Variants in GRID2 observed in about 807,000 individuals in gnomAD.
GRID2 encodes glutamate ionotropic receptor delta type subunit 2, also known as glutamate receptor ionotropic, delta-2.
GRID2 carries 33 observed loss-of-function variants against 114.8 expected under a neutral mutation model. That is an observed-to-expected ratio of 0.29 (90% confidence interval 0.22 to 0.38). The LOEUF is 0.38. GRID2 is among the 10% of genes least tolerant of loss of function. The pLI, the probability that GRID2 is intolerant of heterozygous loss-of-function variation, is 1.00. For missense variants in GRID2, 1,184 were observed against 1,257.7 expected (o/e 0.94, Z 0.89); for synonymous variants, 505 against 449.9 (o/e 1.12, Z -1.55).
chr4:93,797,232 T>C (rs1442059709), intron 1 of GRID2, among the ~76,000 whole-genome samples: 1 of 152,250 alleles, frequency 6.6e-6, no homozygotes, highest in Non-Finnish European at 1.5e-5. Flanking sequence ...ACTGTAATAG[T>C]GTTAAAATTC....
intron 2 of GRID2, among the ~76,000 whole-genome samples, chr4:92,629,742 A>T (rs1730698665): frequency 6.6e-6 from 1 of 151,040 alleles, no homozygotes. Flanking sequence ...TAGATCACTA[A>T]CATAACTGAA....
At chr4:93,414,581 C>T (rs750072774) in intron 9 of GRID2, among the ~76,000 whole-genome samples, 9 of 151,932 alleles carry the variant, frequency 5.9e-5, no homozygotes, top group Non-Finnish European at 1.2e-4. Context: ...GCTGTTTCTA[C>T]AGAGGTGCTT....
intron 8 of GRID2, among the ~76,000 whole-genome samples, chr4:93,250,901 G>C (rs1019712965): frequency 6.6e-6 from 1 of 151,756 alleles, no homozygotes; most frequent in Non-Finnish European, 1.5e-5. Context: ...GGTTGTGAGT[G>C]GATAGTCTGT....
rs141269074 is a variant in GRID2 at position 92,917,686 on chromosome 4, T to C, written c.245-167309T>C. ...GATATGTGGCATTATTTCTGAGGAC[T>C]CTCTTCTGTACCATTGGTGTTTATC... On this transcript the variant is annotated intron_variant, in intron 2 of 15. Coordinates refer to ENST00000282020, the MANE Select transcript of GRID2 (RefSeq NM_001510.4). Among the ~76,000 whole-genome samples, 1,028 of 152,306 alleles carry C rather than the reference T, an allele frequency of 6.7e-3. 7 individuals carry two copies. Among genetic ancestry groups the C allele is most frequent in the Middle Eastern group, 0.017 (5 of 294 alleles).
rs561917509 is a variant in GRID2 at position 92,708,599 on chromosome 4, A to G, written c.244+118313A>G. On this transcript the variant is annotated intron_variant, in intron 2 of 15. Transcript: ENST00000282020. ...TGTGTCTAATTTTTTTGGAAATGTG[A>G]CAGATTATCACCATATTGGTATTGG... 4.3e-4 allele frequency among the ~76,000 whole-genome samples: 66 copies of G among 152,330 alleles called. No homozygotes were observed. The South Asian group carries it at 8.7e-3, about 20-fold the overall frequency.
At chr4:92,390,272 T>C (rs1253391776) in intron 1 of GRID2, among the ~76,000 whole-genome samples, 3 of 152,122 alleles carry the variant, frequency 2.0e-5, no homozygotes, top group African/African-American at 7.2e-5. Context: ...GAAATGACTA[T>C]AAATAGTATA....
At chr4:93,158,186 G>A (rs1242877969) in intron 4 of GRID2, among the ~76,000 whole-genome samples, 2 of 151,812 alleles carry the variant, frequency 1.3e-5, no homozygotes, top group African/African-American at 2.4e-5. Flanking sequence ...TAGAGGGAAA[G>A]ATAATTTGTG....
rs1458308593 is a variant in GRID2, at chr4:93,755,812, T to C, written c.2361-13398T>C. Reference sequence around the variant, plus strand: ...ATCAGTTTAAGTAGTTGATCAGGTTTGCCACATCAAGTTATCATATGTGAA... The same window carrying C: ...ATCAGTTTAAGTAGTTGATCAGGTTCGCCACATCAAGTTATCATATGTGAA... On this transcript the variant is annotated intron_variant, in intron 14 of 15. Coordinates refer to ENST00000282020, the MANE Select transcript of GRID2 (RefSeq NM_001510.4). Among the ~76,000 whole-genome samples, 4 of 152,230 alleles carry C rather than the reference T, an allele frequency of 2.6e-5. No individual in the cohort carries two copies. In the South Asian group the frequency reaches 8.3e-4, roughly 32 times the overall value.
intron 2 of GRID2, among the ~76,000 whole-genome samples, chr4:92,949,732 A>C (rs1751894243): frequency 6.6e-6 from 1 of 151,900 alleles, no homozygotes; most frequent in Non-Finnish European, 1.5e-5. Context: ...TAAACTGTTT[A>C]GAAACCTGCT....
chr4:93,212,377 A>T (rs1743635062), intron 5 of GRID2, among the ~76,000 whole-genome samples: 1 of 152,168 alleles, frequency 6.6e-6, no homozygotes, highest in African/African-American at 2.4e-5. Flanking sequence ...TGCTATAATA[A>T]TGAGAGGCTG....
At chr4:93,035,180 A>G (rs1026849817) in intron 2 of GRID2, among the ~76,000 whole-genome samples, 2 of 148,774 alleles carry the variant, frequency 1.3e-5, no homozygotes, top group Admixed American at 1.4e-4. Flanking sequence ...ATCTAGGCTC[A>G]CTGCAACCTC....
intron 1 of GRID2, among the ~76,000 whole-genome samples, chr4:92,414,922 G>A (rs866602088): frequency 2.0e-5 from 3 of 151,856 alleles, no homozygotes; most frequent in Admixed American, 6.6e-5. Context: ...AATTTGTCTC[G>A]CTTCATTATT....
At chr4:92,982,640 C>T (rs1350311151) in intron 2 of GRID2, among the ~76,000 whole-genome samples, 1 of 152,016 alleles carries the variant, frequency 6.6e-6, no homozygotes, top group Non-Finnish European at 1.5e-5. Flanking sequence ...CTTCTGCCTC[C>T]TCTCAAACAT....
intron 4 of GRID2, among the ~76,000 whole-genome samples, chr4:93,199,126 A>G (rs1579266589): frequency 6.6e-6 from 1 of 152,282 alleles, no homozygotes; most frequent in Non-Finnish European, 1.5e-5. Context: ...GGGTCCTTCA[A>G]CAAACACCGC....
At chr4:93,250,744 TTATA>T (rs1329507863) in intron 8 of GRID2, among the ~76,000 whole-genome samples, 4 of 146,466 alleles carry the variant, frequency 2.7e-5, no homozygotes, top group Non-Finnish European at 6.0e-5. Flanking sequence ...ATATATAATG[TTATA>T]TATATATTTA....
In GRID2 at chr4:92,598,904, A is replaced by G. The variant is rs1046517731; in HGVS notation, c.244+8618A>G. Among the ~76,000 whole-genome samples the G allele has an allele frequency of 5.3e-5, 8 of 152,006 alleles. No homozygotes were observed. In the East Asian group the frequency reaches 1.2e-3, roughly 22 times the overall value. On this transcript the variant is annotated intron_variant, in intron 2 of 15. Transcript: ENST00000282020. ...TCTAGTACTTTTATTAGTGGTTCCC[A>G]TGGATACCTCTGAGCCTAACCTTAT...
intron 2 of GRID2, among the ~76,000 whole-genome samples, chr4:93,052,123 G>A (rs777725340): frequency 6.6e-6 from 1 of 151,770 alleles, no homozygotes; most frequent in Non-Finnish European, 1.5e-5. Context: ...GAGCTTTATT[G>A]TTTATATCAC....
intron 11 of GRID2, among the ~76,000 whole-genome samples, chr4:93,472,705 TAGAAC>T (rs1302964440): frequency 6.6e-6 from 1 of 152,148 alleles, no homozygotes; most frequent in Non-Finnish European, 1.5e-5. Flanking sequence ...CATGCTCAGG[TAGAAC>T]ACAAAGAAAA....
chr4:93,249,936 G>T (rs1346163621), intron 8 of GRID2, among the ~76,000 whole-genome samples: 1 of 152,142 alleles, frequency 6.6e-6, no homozygotes, highest in Non-Finnish European at 1.5e-5. Flanking sequence ...AGACAATGTG[G>T]TGATTCCTCA....
Sources: allele counts gnomAD v4.1 joint callset (sites outside exome capture counted in the v4.1 genomes callset), GRCh38; gene constraint gnomAD v4.1.1; transcripts MANE v1.5; gene names NCBI Gene and HGNC (gene_info 2026-07-23, HGNC 2026-07-21).